Variants in IL1R1 observed in about 807,000 individuals in gnomAD.
IL1R1 encodes the protein interleukin 1 receptor type 1.
IL1R1 carries 22 observed loss-of-function variants against 50.2 expected under a neutral mutation model. That is an observed-to-expected ratio of 0.44 (90% confidence interval 0.31 to 0.63). The LOEUF is 0.63. Among genes scored for constraint, IL1R1 ranks in the 20% least tolerant of loss-of-function variants. IL1R1 has a pLI of 0.07. For missense variants in IL1R1, 509 were observed against 676.2 expected (o/e 0.75, Z 2.74); for synonymous variants, 251 against 236.7 (o/e 1.06, Z -0.55).
intron 1 of IL1R1, among the ~76,000 whole-genome samples, chr2:102,096,001 CA>C (rs893438002): frequency 2.7e-5 from 4 of 149,934 alleles, no homozygotes; most frequent in African/African-American, 4.9e-5. Context: ...GACTCTGTCT[CA>C]AAAAAAAAGA....
intron 9 of IL1R1, 120 bp downstream of exon 9, chr2:102,172,958 A>T: frequency 1.5e-6 from 1 of 669,710 alleles, no homozygotes; most frequent in Non-Finnish European, 2.6e-6. Flanking sequence ...TTACTTGGGT[A>T]ACTTCTATTT....
At chr2:102,098,041 G>A (rs1470269908) in intron 1 of IL1R1, among the ~76,000 whole-genome samples, 5 of 152,092 alleles carry the variant, frequency 3.3e-5, no homozygotes, top group Admixed American at 6.5e-5. Flanking sequence ...TGTATAACCC[G>A]TGGAGATTTT....
chr2:102,129,572 A>G (rs1477530777), intron 1 of IL1R1, among the ~76,000 whole-genome samples: 4 of 152,224 alleles, frequency 2.6e-5, no homozygotes, highest in African/African-American at 4.8e-5. Flanking sequence ...TCAAATCTCA[A>G]TGATGACTTA....
At chr2:102,152,292 T>G (rs2104497396) in intron 1 of IL1R1, among the ~76,000 whole-genome samples, 1 of 151,102 alleles carries the variant, frequency 6.6e-6, no homozygotes, top group South Asian at 2.1e-4. Flanking sequence ...GATCACGAGG[T>G]CAGGAGATCG....
intron 3 of IL1R1, among the ~76,000 whole-genome samples, chr2:102,161,044 A>G (rs893477193): frequency 6.6e-6 from 1 of 152,210 alleles, no homozygotes; most frequent in Non-Finnish European, 1.5e-5. Context: ...CAAGTCATCA[A>G]TTTGAAATTT....
chr2:102,148,935 ACT>A (rs1683392863), intron 1 of IL1R1, among the ~76,000 whole-genome samples: 1 of 150,364 alleles, frequency 6.7e-6, no homozygotes, highest in African/African-American at 2.5e-5. Flanking sequence ...ACAGAGCAAG[ACT>A]CTGTCTCAAA....
chr2:102,161,202 T>C (rs1684697131), intron 3 of IL1R1, among the ~76,000 whole-genome samples: 1 of 152,172 alleles, frequency 6.6e-6, no homozygotes, highest in Non-Finnish European at 1.5e-5. Context: ...TCATGAGTTA[T>C]TTAGGAGTAT....
chr2:102,170,721 A>T (rs945959771), intron 7 of IL1R1, among the ~76,000 whole-genome samples: 2 of 152,194 alleles, frequency 1.3e-5, no homozygotes, highest in African/African-American at 4.8e-5. Flanking sequence ...GAAAAAACTA[A>T]AAAAACCAAA....
chr2:102,072,054 T>C (rs1385977762), intron 1 of IL1R1, among the ~76,000 whole-genome samples: 4 of 151,922 alleles, frequency 2.6e-5, no homozygotes, highest in Non-Finnish European at 5.9e-5. Flanking sequence ...GGTCAGGAGT[T>C]CGAGACCACC....
chr2:102,147,193 G>A (rs1028201271), intron 1 of IL1R1, among the ~76,000 whole-genome samples: 1 of 152,176 alleles, frequency 6.6e-6, no homozygotes, highest in Non-Finnish European at 1.5e-5. Context: ...GGTGCACACA[G>A]TTGTTGCAAT....
intron 3 of IL1R1, among the ~76,000 whole-genome samples, chr2:102,160,668 C>A (rs1684637191): frequency 6.6e-6 from 1 of 152,124 alleles, no homozygotes; most frequent in Non-Finnish European, 1.5e-5. Flanking sequence ...GGGCTAGGTA[C>A]CAGAGAACTA....
At chr2:102,147,003 G>A (rs1224191083) in intron 1 of IL1R1, among the ~76,000 whole-genome samples, 1 of 152,180 alleles carries the variant, frequency 6.6e-6, no homozygotes, top group Non-Finnish European at 1.5e-5. Flanking sequence ...CGTGGGTGCC[G>A]AGATAGCAGG....
At chr2:102,164,669 G>T (rs1298501320) in intron 3 of IL1R1, 105 bp from the exon 4 acceptor site, 4 of 714,868 alleles carry the variant, frequency 5.6e-6, no homozygotes, top group Non-Finnish European at 9.5e-6. Context: ...TATATGTAAT[G>T]TGAATTGATG....
chr2:102,094,357 C>T (rs182388895), intron 1 of IL1R1, among the ~76,000 whole-genome samples: 141 of 152,260 alleles, frequency 9.3e-4, no homozygotes, highest in African/African-American at 3.3e-3. Context: ...TGTTAAATTA[C>T]AGTATCAGAG....
intron 3 of IL1R1, among the ~76,000 whole-genome samples, chr2:102,159,401 G>A (rs966611622): frequency 2.0e-5 from 3 of 152,138 alleles, no homozygotes; most frequent in Non-Finnish European, 4.4e-5. Flanking sequence ...GGCTGTTTAA[G>A]GCCTTAGCCT....
chr2:102,174,753 G>A (rs963620710), intron 10 of IL1R1, 23 bp downstream of exon 10: 2 of 1,585,784 alleles, frequency 1.3e-6, no homozygotes, highest in African/African-American at 1.4e-5. Context: ...ATTCCATGCA[G>A]TATTTCTTGT....
chr2:102,168,486 C>A, intron 6 of IL1R1, 112 bp from the exon 7 acceptor site: 1 of 861,382 alleles, frequency 1.2e-6, no homozygotes, highest in Non-Finnish European at 2.0e-6. Flanking sequence ...GCTTTGAACA[C>A]TTGATGGAAT....
At chr2:102,076,631 A>G (rs996289271) in intron 1 of IL1R1, among the ~76,000 whole-genome samples, 1 of 152,128 alleles carries the variant, frequency 6.6e-6, no homozygotes, top group African/African-American at 2.4e-5. Context: ...AAAGATATTG[A>G]TCTAGGGTCT....
intron 1 of IL1R1, among the ~76,000 whole-genome samples, chr2:102,113,149 C>T (rs1300472601): frequency 6.6e-6 from 1 of 152,244 alleles, no homozygotes; most frequent in African/African-American, 2.4e-5. Flanking sequence ...TGCGTTCAAT[C>T]AGCCTGTGAC....
Sources: allele counts gnomAD v4.1 joint callset (sites outside exome capture counted in the v4.1 genomes callset), GRCh38; gene constraint gnomAD v4.1.1; transcripts MANE v1.5; gene names NCBI Gene and HGNC (gene_info 2026-07-23, HGNC 2026-07-21).